The following ACSF2 variants were observed in gnomAD, a reference collection of about 807,000 sequenced individuals.
The protein encoded by ACSF2 is acyl-CoA synthetase family member 2.
ACSF2 carries 52 observed loss-of-function variants against 79.3 expected under a neutral mutation model. That is an observed-to-expected ratio of 0.66 (90% CI 0.53 to 0.83). The LOEUF is 0.83. Among genes scored for constraint, ACSF2 ranks in the 40% least tolerant of loss-of-function variants. The pLI, the probability that ACSF2 is intolerant of heterozygous loss-of-function variation, is 0.00. For synonymous variants in ACSF2, 283 were observed against 312.6 expected, an observed-to-expected ratio of 0.91 and a Z score of 1.00; for missense variants, 661 against 803.3, an observed-to-expected ratio of 0.82 and a Z score of 2.14.
rs770198697 is a variant in ACSF2 at position 50,468,526 on chromosome 17, G to A, written c.1216-2502G>A. 2.5e-6 allele frequency: 4 copies of A among 1,614,138 alleles called. No individual in the cohort carries two copies. In the Admixed American group the frequency reaches 5.0e-5, roughly 20 times the overall value. On this transcript the variant is annotated intron_variant, in intron 10 of 15. Transcript: ENST00000300441. Reference sequence around the variant, plus strand: ...ACAAGTAGATAAGTTGCTTGAGGCCGCGGAAGGCACCGGCGGCCACCTCGC... The same window carrying A: ...ACAAGTAGATAAGTTGCTTGAGGCCACGGAAGGCACCGGCGGCCACCTCGC...
At position 50,474,442 on chromosome 17, in the gene ACSF2, C is replaced by A. The variant is rs2033257064; in HGVS notation, c.1798-60C>A. ...TTTTGGCACTAAGAGCCTGAGAAAC[C>A]CCTTATTCTTGGGTGAACCAAGACA... On this transcript the variant is annotated intron_variant, in intron 15 of 15. Coordinates refer to ENST00000300441, the MANE Select transcript of ACSF2 (RefSeq NM_025149.6). The surrounding 1 kb of genome is among the most constrained non-coding windows in gnomAD (Gnocchi z 4.2). 1.3e-6 allele frequency: 2 copies of A among 1,583,706 alleles called. No homozygotes were observed. The highest frequency in any genetic ancestry group is 2.2e-5 in the South Asian group (2 of 90,334).
At chr17:50,469,086 C>A in intron 10 of ACSF2, 11 of 1,217,348 alleles carry the variant, frequency 9.0e-6, no homozygotes, top group Non-Finnish European at 1.1e-5. Context: ...CCCCGAGCCC[C>A]GAGCCCTGAG....
intron 1 of ACSF2, among the ~76,000 whole-genome samples, chr17:50,435,118 T>C (rs2107573): frequency 0.88 from 134,614 of 152,208 alleles, 60,774 homozygotes; most frequent in African/African-American, 0.98. Flanking sequence ...GATTTGCCCG[T>C]CTCGGCCTCC....
rs1488035499 is a variant in ACSF2 at position 50,462,540 on chromosome 17, G to A, written c.747G>A (p.Gln249=). 2 of 1,613,800 alleles carry A rather than the reference G, an allele frequency of 1.2e-6. No homozygotes were observed. The highest frequency in any genetic ancestry group is 1.7e-6 in the Non-Finnish European group (2 of 1,180,006). The change falls in exon 6 of 16, where the codon CAG becomes CAA. Residue 249 remains glutamine, a synonymous_variant. Coordinates refer to ENST00000300441, the MANE Select transcript of ACSF2 (RefSeq NM_025149.6). ...RQHLDQLQYN[Q]QFLSCHDPIN... is the part of the protein sequence containing the mutation. ...ATCTGGACCAGCTCCAATACAACCAGCAGTTCCTGTCCTGCCATGACCCCA... is the reference window on the plus strand; with the variant it reads ...ATCTGGACCAGCTCCAATACAACCAACAGTTCCTGTCCTGCCATGACCCCA...
intron 10 of ACSF2, chr17:50,468,750 C>A: frequency 6.3e-7 from 1 of 1,598,358 alleles, no homozygotes; most frequent in Non-Finnish European, 8.5e-7. Context: ...TGGGGGCAGG[C>A]GGCCAGCGCC....
chr17:50,426,494 G>C (rs908648097), intron 1 of ACSF2, 105 bp downstream of exon 1: 135 of 1,245,550 alleles, frequency 1.1e-4, no homozygotes, highest in Admixed American at 2.4e-4. Context: ...GAGTGCACTG[G>C]GGGGAAGGTA....
At chr17:50,438,265 A>C (rs535284812) in intron 1 of ACSF2, among the ~76,000 whole-genome samples, 1 of 152,322 alleles carries the variant, frequency 6.6e-6, no homozygotes, top group African/African-American at 2.4e-5. Context: ...GATTCAACAT[A>C]GTACTTAGTA....
At chr17:50,429,051 C>T (rs1333820582) in intron 1 of ACSF2, among the ~76,000 whole-genome samples, 3 of 152,260 alleles carry the variant, frequency 2.0e-5, no homozygotes, top group Non-Finnish European at 2.9e-5. Context: ...GCCTGCTTTC[C>T]TGTTGCCCAA....
rs980450421 is a variant in ACSF2 at position 50,462,405 on chromosome 17, C to T, written c.627-15C>T. ...TCCCTCAGCCCCTGTCTCTCACCAT[C>T]GTCCCCAACCCCAGGCTCCCAGATC... On this transcript the variant is annotated splice_polypyrimidine_tract_variant and intron_variant, in intron 5 of 15. Transcript: ENST00000300441. 6.2e-6 allele frequency: 9 copies of T among 1,446,568 alleles called. No individual in the cohort carries two copies. The highest frequency in any genetic ancestry group is 1.4e-5 in the African/African-American group (1 of 70,986). 89.6% of individuals were successfully genotyped at this position (1,446,568 alleles called of 1,614,324 possible).
rs570491745 is a variant in ACSF2, at chr17:50,431,325, G to A, written c.128+4936G>A. Among the ~76,000 whole-genome samples the A allele has an allele frequency of 7.1e-4, 108 of 152,296 alleles. 1 individual carries two copies. Among genetic ancestry groups the A allele is most frequent in the Admixed American group, 3.3e-4 (5 of 15,296 alleles). On this transcript the variant is annotated intron_variant, in intron 1 of 15. Coordinates refer to ENST00000300441, the MANE Select transcript of ACSF2 (RefSeq NM_025149.6). ...TTTCATTGACAGAGCTGTTTTTCTA[G>A]AAGGAGTCTACAGGGGAAGTCCATA...
chr17:50,447,434 G>A (rs527561227), intron 1 of ACSF2, among the ~76,000 whole-genome samples: 29 of 152,042 alleles, frequency 1.9e-4, no homozygotes, highest in African/African-American at 6.8e-4. Context: ...CAGCTACTCG[G>A]GGGGTGCTGG....
At chr17:50,464,119 G>A (rs2032528700) in intron 9 of ACSF2, 99 bp from the exon 10 acceptor site, 1 of 1,401,366 alleles carries the variant, frequency 7.1e-7, no homozygotes, top group Non-Finnish European at 1.0e-6. Context: ...GGGGTCAGAG[G>A]AGAAAAGGGA....
At chr17:50,459,289 C>G (rs1226409757) in intron 1 of ACSF2, among the ~76,000 whole-genome samples, 1 of 152,180 alleles carries the variant, frequency 6.6e-6, no homozygotes, top group East Asian at 1.9e-4. Context: ...CACCCAGGCT[C>G]AAGTGCAGTG....
intron 1 of ACSF2, among the ~76,000 whole-genome samples, chr17:50,433,672 G>A (rs2030146131): frequency 6.6e-6 from 1 of 152,090 alleles, no homozygotes; most frequent in African/African-American, 2.4e-5. Context: ...GGGATGGAGT[G>A]CAGTGGCGTG....
At chr17:50,459,624 C>T (rs530656957) in intron 1 of ACSF2, among the ~76,000 whole-genome samples, 7 of 152,214 alleles carry the variant, frequency 4.6e-5, no homozygotes, top group Admixed American at 2.0e-4. Context: ...TCCAGCTTGA[C>T]GTGCCCTTAC....
At chr17:50,461,774 G>A in intron 4 of ACSF2, 88 bp downstream of exon 4, 1 of 1,513,362 alleles carries the variant, frequency 6.6e-7, no homozygotes, top group Middle Eastern at 1.7e-4. Context: ...GACGGTGTGA[G>A]CTAGGGCATG....
At chr17:50,460,901 G>A (rs1177778192) in intron 2 of ACSF2, 29 bp downstream of exon 2, 2 of 1,590,206 alleles carry the variant, frequency 1.3e-6, no homozygotes, top group Non-Finnish European at 8.6e-7. Context: ...ACCTCAAAGT[G>A]GGCAAGTACT....
intron 10 of ACSF2, among the ~76,000 whole-genome samples, chr17:50,466,072 TCTTTTTTTTTTTTTTTTC>T (rs1249907179): frequency 5.6e-5 from 8 of 143,042 alleles, no homozygotes; most frequent in South Asian, 2.3e-4. Context: ...GGTGTTATTT[TCTTTTTTTTTTTTTTTTC>T]CTTTTTTTTT....
At chr17:50,470,798 G>A in intron 10 of ACSF2, 1 of 458,508 alleles carries the variant, frequency 2.2e-6, no homozygotes, top group Admixed American at 3.4e-5. Context: ...TGGTGTCCCT[G>A]CTCTCAATTT....
Sources: allele counts gnomAD v4.1 joint callset (sites outside exome capture counted in the v4.1 genomes callset), GRCh38; gene constraint gnomAD v4.1.1; non-coding constraint Gnocchi (gnomAD v3.1); transcripts MANE v1.5; gene names NCBI Gene and HGNC (gene_info 2026-07-23, HGNC 2026-07-21).